The following ALMS1 variants were observed in gnomAD, a reference collection of about 807,000 sequenced individuals.
ALMS1 encodes the protein centrosome-associated protein ALMS1.
In ALMS1, 271 loss-of-function variants were observed where a neutral mutation model predicts 352.2. That is an observed-to-expected ratio of 0.77 (90% confidence interval 0.70 to 0.85). The LOEUF (loss-of-function observed/expected upper bound fraction) is 0.85. ALMS1 is among the 40% of genes least tolerant of loss of function. The pLI is 0.00. For missense variants in ALMS1, 5,445 were observed against 4,870.7 expected, an observed-to-expected ratio of 1.12 and a Z score of -3.51; for synonymous variants, 1,865 against 1,761.2, an observed-to-expected ratio of 1.06 and a Z score of -1.48.
At chr2:73,549,279 C>G (rs1268177133) in intron 12 of ALMS1, among the ~76,000 whole-genome samples, 1 of 152,100 alleles carries the variant, frequency 6.6e-6, no homozygotes, top group Non-Finnish European at 1.5e-5. Context: ...TAAATACTTT[C>G]AAATCTTTTA....
intron 7 of ALMS1, among the ~76,000 whole-genome samples, chr2:73,441,506 G>C (rs1399934392): frequency 6.6e-6 from 1 of 152,172 alleles, no homozygotes; most frequent in Non-Finnish European, 1.5e-5. Context: ...AGATGGGACT[G>C]TCTGCTAAGT....
In ALMS1 at chr2:73,500,233, T is replaced by C. The variant is rs569051851; in HGVS notation, c.9539+8735T>C. Among the ~76,000 whole-genome samples, 11 of 152,298 alleles carry C rather than the reference T, an allele frequency of 7.2e-5. No individual in the cohort carries two copies. In the South Asian group the frequency reaches 2.3e-3, roughly 32 times the overall value. On this transcript the variant is annotated intron_variant, in intron 10 of 22. Coordinates refer to ENST00000613296, the MANE Select transcript of ALMS1 (RefSeq NM_001378454.1). ...TTTAGCAGACAATGACCCAACTAGT[T>C]TCAGGTTAAAAATTCCAGCCAGCCT...
Position 73,602,304 on chromosome 2 carries a change from A to G in ALMS1, c.12234A>G (p.Ala4078=), listed in dbSNP as rs374508659. Reference sequence around the variant, plus strand: ...GCATGTTACAGACCGAGCGGGATGCACTATTCAACATTGACAGGGAACGGC... The same window carrying G: ...GCATGTTACAGACCGAGCGGGATGCGCTATTCAACATTGACAGGGAACGGC... ...LQSMLQTERD[A]LFNIDRERQG... is the part of the protein sequence containing the mutation. The change falls in exon 20 of 23, where the codon GCA becomes GCG. Residue 4078 remains alanine, a synonymous_variant. Coordinates refer to ENST00000613296, the MANE Select transcript of ALMS1 (RefSeq NM_001378454.1). 7 of 1,614,226 alleles carry G rather than the reference A, an allele frequency of 4.3e-6. No individual in the cohort carries two copies. Among genetic ancestry groups the G allele is most frequent in the East Asian group, 2.2e-5 (1 of 44,884 alleles).
chr2:73,536,656 T>C (rs1674035743), intron 12 of ALMS1, among the ~76,000 whole-genome samples: 1 of 152,168 alleles, frequency 6.6e-6, no homozygotes, highest in Admixed American at 6.5e-5. Flanking sequence ...AATTAGAGTT[T>C]GGGGCCAAGA....
rs200575541 is a variant in ALMS1 at position 73,449,496 on chromosome 2, A to G, written c.2969A>G (p.Gln990Arg). The change falls in exon 8 of 23, where the codon CAG (glutamine) becomes CGG (arginine). Residue 990 changes from glutamine (Q) to arginine (R), a missense_variant. Transcript: ENST00000613296. Reference sequence around the variant, plus strand: ...TCTGCTATTCCTGGACTGACTGACCAGAAGACTGTCCCAACACCAACAGTA... The same window carrying G: ...TCTGCTATTCCTGGACTGACTGACCGGAAGACTGTCCCAACACCAACAGTA... ...KMSAIPGLTD[Q>R]KTVPTPTVPS... 79 of 1,613,994 alleles carry G rather than the reference A, an allele frequency of 4.9e-5. No individual in the cohort carries two copies. The highest frequency in any genetic ancestry group is 1.4e-5 in the Non-Finnish European group (17 of 1,179,998).
At chr2:73,578,405 G>T (rs529662204) in intron 16 of ALMS1, among the ~76,000 whole-genome samples, 1 of 151,956 alleles carries the variant, frequency 6.6e-6, no homozygotes. Flanking sequence ...TACTTTCCCC[G>T]TGCTGTTTGC....
chr2:73,603,474 A>C, intron 21 of ALMS1, 170 bp downstream of exon 21: 1 of 646,394 alleles, frequency 1.5e-6, no homozygotes. Flanking sequence ...AAAGCACATC[A>C]TGGTATGAAT....
chr2:73,470,996 T>C (rs911903607), intron 9 of ALMS1: 2 of 151,886 alleles, frequency 1.3e-5, no homozygotes, highest in African/African-American at 2.4e-5. Flanking sequence ...AAATCTAAAG[T>C]GAGTCTCTTC....
chr2:73,564,337 A>T (rs1272265480), intron 15 of ALMS1, among the ~76,000 whole-genome samples: 1 of 151,784 alleles, frequency 6.6e-6, no homozygotes, highest in East Asian at 1.9e-4. Context: ...ATGGCGGTGC[A>T]TGCCGATAAT....
rs548145898 is a variant in ALMS1 at position 73,491,789 on chromosome 2, G to A, written c.9539+291G>A. ...TTTGATCATCCAATGATACAATTAC[G>A]AATTTATTTACTGTGTTGGACATAT... On this transcript the variant is annotated intron_variant, in intron 10 of 22. Transcript: ENST00000613296. 2.0e-5 allele frequency among the ~76,000 whole-genome samples: 3 copies of A among 152,260 alleles called. No individual in the cohort carries two copies. The South Asian group carries it at 6.2e-4, about 32-fold the overall frequency.
chr2:73,506,826 A>C (rs965790119), intron 10 of ALMS1, among the ~76,000 whole-genome samples: 2 of 152,152 alleles, frequency 1.3e-5, no homozygotes, highest in African/African-American at 4.8e-5. Context: ...GTTGAATAGC[A>C]GTGGTGAGAG....
chr2:73,481,375 T>A (rs1269309210), intron 9 of ALMS1, among the ~76,000 whole-genome samples: 1 of 152,176 alleles, frequency 6.6e-6, no homozygotes, highest in Non-Finnish European at 1.5e-5. Context: ...TTGTCAAAGA[T>A]CAGATAGTTG....
At chr2:73,580,749 G>A (rs1558702916) in intron 16 of ALMS1, among the ~76,000 whole-genome samples, 1 of 152,152 alleles carries the variant, frequency 6.6e-6, no homozygotes, top group Non-Finnish European at 1.5e-5. Flanking sequence ...GTAAGTTAAA[G>A]TTGTTGGTTT....
At chr2:73,464,095 T>C (rs1271125581) in intron 9 of ALMS1, among the ~76,000 whole-genome samples, 3 of 152,212 alleles carry the variant, frequency 2.0e-5, no homozygotes, top group Non-Finnish European at 4.4e-5. Context: ...ACTCATTTTA[T>C]GAGGCCAGCA....
At chr2:73,543,403 CA>C (rs1264966807) in intron 12 of ALMS1, among the ~76,000 whole-genome samples, 2 of 152,058 alleles carry the variant, frequency 1.3e-5, no homozygotes, top group Non-Finnish European at 2.9e-5. Flanking sequence ...GACCTAAAAC[CA>C]TAAAAACCCT....
chr2:73,523,766 C>G (rs1673733193), intron 11 of ALMS1, among the ~76,000 whole-genome samples: 1 of 151,904 alleles, frequency 6.6e-6, no homozygotes, highest in Non-Finnish European at 1.5e-5. Context: ...GACTCCTTCC[C>G]CCTTCCCCAC....
At chr2:73,572,168 G>A (rs1674942151) in intron 15 of ALMS1, 94 bp from the exon 16 acceptor site, 6 of 1,083,636 alleles carry the variant, frequency 5.5e-6, no homozygotes, top group Admixed American at 5.0e-5. Flanking sequence ...CTTTCCTTTA[G>A]TCTTTGTTCT....
chr2:73,549,802 C>T (rs1196935299), intron 12 of ALMS1, among the ~76,000 whole-genome samples: 1 of 152,076 alleles, frequency 6.6e-6, no homozygotes, highest in Non-Finnish European at 1.5e-5. Flanking sequence ...GTTTGACTGA[C>T]GTTTCCTTCT....
intron 11 of ALMS1, among the ~76,000 whole-genome samples, chr2:73,531,102 A>G (rs1040610316): frequency 6.6e-6 from 1 of 152,266 alleles, no homozygotes; most frequent in African/African-American, 2.4e-5. Flanking sequence ...TACTTATGCA[A>G]ATTTCTGCAG....
Sources: gnomAD v4.1 joint callset for allele counts (sites outside exome capture counted in the v4.1 genomes callset) on GRCh38, gnomAD v4.1.1 for gene constraint, MANE v1.5 for transcripts, NCBI Gene and HGNC (gene_info 2026-07-23, HGNC 2026-07-21) for gene names.